The following GARRE1 variants were observed in gnomAD, a reference collection of about 807,000 sequenced individuals.
GARRE1 encodes granule associated Rac and RHOG effector protein 1.
In GARRE1, 49 loss-of-function variants were observed where a neutral mutation model predicts 103.2. That is an observed-to-expected ratio of 0.47 (90% CI 0.38 to 0.60). The LOEUF is 0.60. GARRE1 is among the 20% of genes least tolerant of loss of function. GARRE1 has a pLI of 0.00. For synonymous variants in GARRE1, 505 were observed against 532.8 expected, an observed-to-expected ratio of 0.95 and a Z score of 0.72; for missense variants, 1,199 against 1,370.5, an observed-to-expected ratio of 0.87 and a Z score of 1.98.
At chr19:34,301,722 G>T (rs1250763290) in intron 2 of GARRE1, among the ~76,000 whole-genome samples, 1 of 146,818 alleles carries the variant, frequency 6.8e-6, no homozygotes, top group Non-Finnish European at 1.5e-5. Context: ...CTGCTCCGTC[G>T]CCCAGGCTGG....
intron 8 of GARRE1, among the ~76,000 whole-genome samples, chr19:34,337,945 C>T (rs921065942): frequency 6.6e-6 from 1 of 152,172 alleles, no homozygotes. Flanking sequence ...GAATTGGGTG[C>T]ACTGAACCTT....
At chr19:34,339,764 G>T in intron 8 of GARRE1, 103 bp from the exon 9 acceptor site, 2 of 1,404,802 alleles carry the variant, frequency 1.4e-6, no homozygotes, top group Non-Finnish European at 2.0e-6. Flanking sequence ...TTTTTGCTGG[G>T]CGCCAGAGGT....
At chr19:34,264,998 T>C (rs1267984785) in intron 1 of GARRE1, among the ~76,000 whole-genome samples, 1 of 152,158 alleles carries the variant, frequency 6.6e-6, no homozygotes, top group Non-Finnish European at 1.5e-5. Context: ...ATTTTGATTA[T>C]GTTCCTTGTG....
intron 1 of GARRE1, among the ~76,000 whole-genome samples, chr19:34,269,880 C>T (rs1387755825): frequency 6.6e-6 from 1 of 152,170 alleles, no homozygotes; most frequent in Non-Finnish European, 1.5e-5. Context: ...CCATGGAAGC[C>T]ATTTCTGTAG....
At chr19:34,350,282 G>C (rs1474278658) in intron 12 of GARRE1, among the ~76,000 whole-genome samples, 1 of 152,178 alleles carries the variant, frequency 6.6e-6, no homozygotes, top group African/African-American at 2.4e-5. Flanking sequence ...TGACACGCAA[G>C]TTTTCTGCCT....
chr19:34,349,029 G>C lies in GARRE1; in HGVS notation c.2701G>C (p.Gly901Arg). The C allele has an allele frequency of 6.2e-7, 1 of 1,611,458 alleles. No individual in the cohort carries two copies. The highest frequency in any genetic ancestry group is 8.5e-7 in the Non-Finnish European group (1 of 1,180,002). The change falls in exon 12 of 14, where the codon GGT becomes CGT. Residue 901 changes from glycine to arginine, a missense_variant. Gly to Arg is a moderately radical substitution (Grantham distance 125). Transcript: ENST00000299505. Reference sequence around the variant, plus strand: ...TCTGGCTTTCAGGGATGGCCTGCACGGTGGCTGGTCGGGTGCTCAGGGAGA... The same window carrying C: ...TCTGGCTTTCAGGGATGGCCTGCACCGTGGCTGGTCGGGTGCTCAGGGAGA... ...EFFTEGDGLH[G>R]GWSGAQGDSA...
intron 1 of GARRE1, among the ~76,000 whole-genome samples, chr19:34,293,747 TTTC>T (rs1485418609): frequency 2.1e-5 from 1 of 47,368 alleles, no homozygotes; most frequent in African/African-American, 1.9e-4. Flanking sequence ...CACACACATA[TTTC>T]TTTTTTTTTT....
At chr19:34,322,235 G>A (rs2074092684) in intron 3 of GARRE1, among the ~76,000 whole-genome samples, 1 of 152,142 alleles carries the variant, frequency 6.6e-6, no homozygotes, top group Non-Finnish European at 1.5e-5. Flanking sequence ...ATAATGGCGT[G>A]ATCTTGGCTT....
chr19:34,271,293 G>T (rs1467793728), intron 1 of GARRE1, among the ~76,000 whole-genome samples: 1 of 145,534 alleles, frequency 6.9e-6, no homozygotes, highest in Non-Finnish European at 1.5e-5. Flanking sequence ...CTGTTGCCCA[G>T]GCTAGAGTGC....
chr19:34,287,803 T>G (rs1384553187), intron 1 of GARRE1, among the ~76,000 whole-genome samples: 1 of 152,162 alleles, frequency 6.6e-6, no homozygotes, highest in Non-Finnish European at 1.5e-5. Flanking sequence ...GGCCTCTTTT[T>G]ATAAGGGCAC....
intron 2 of GARRE1, among the ~76,000 whole-genome samples, chr19:34,311,604 AT>A (rs71165647): frequency 8.6e-5 from 13 of 151,474 alleles, no homozygotes; most frequent in Non-Finnish European, 1.3e-4. Context: ...AATAAACATA[AT>A]TTTTTTTTCT....
chr19:34,332,335 A>G (rs11882004), intron 7 of GARRE1, among the ~76,000 whole-genome samples: 290 of 152,264 alleles, frequency 1.9e-3, no homozygotes, highest in African/African-American at 6.6e-3. Context: ...ATCGATCCAT[A>G]TTCCCAGAGA....
rs552960698 is a variant in GARRE1, at chr19:34,334,824, C to T, written c.1361+1023C>T. 1.1e-4 allele frequency among the ~76,000 whole-genome samples: 17 copies of T among 152,184 alleles called. No individual in the cohort carries two copies. The South Asian group carries it at 2.9e-3, about 26-fold the overall frequency. ...ATTCCAGCACTTTGGAAGGCCGAGG[C>T]GGCCAGATCTCCTGAGGTCAGGAGT... On this transcript the variant is annotated intron_variant, in intron 8 of 13. Transcript: ENST00000299505.
chr19:34,332,220 G>A (rs1222869843), intron 7 of GARRE1, among the ~76,000 whole-genome samples: 1 of 152,042 alleles, frequency 6.6e-6, no homozygotes, highest in East Asian at 1.9e-4. Context: ...ACAGTAATGA[G>A]TCACATTTCC....
chr19:34,307,705 A>G (rs1161349486), intron 2 of GARRE1, among the ~76,000 whole-genome samples: 2 of 133,198 alleles, frequency 1.5e-5, no homozygotes, highest in East Asian at 4.2e-4. Context: ...ATACATATAT[A>G]CTTATATATA....
chr19:34,263,686 C>T (rs1477163861), intron 1 of GARRE1, among the ~76,000 whole-genome samples: 1 of 152,090 alleles, frequency 6.6e-6, no homozygotes, highest in African/African-American at 2.4e-5. Flanking sequence ...CCATGTTGGC[C>T]ATGTTGGCCA....
chr19:34,275,169 T>G (rs927027260), intron 1 of GARRE1, among the ~76,000 whole-genome samples: 10 of 21,406 alleles, frequency 4.7e-4, no homozygotes, highest in African/African-American at 1.2e-3. Flanking sequence ...ATTTTCTGTG[T>G]TTTTTTTTTT....
chr19:34,304,202 T>C (rs976799032), intron 2 of GARRE1, among the ~76,000 whole-genome samples: 4 of 152,032 alleles, frequency 2.6e-5, no homozygotes, highest in African/African-American at 4.8e-5. Context: ...GCAATTCTTA[T>C]GTCTCAGCCT....
At chr19:34,302,292 G>T (rs919205549) in intron 2 of GARRE1, among the ~76,000 whole-genome samples, 17 of 92,038 alleles carry the variant, frequency 1.8e-4, no homozygotes, top group South Asian at 4.6e-4. Context: ...GCGCCCAGCC[G>T]TTTTTTTTTT....
Sources: allele counts gnomAD v4.1 joint callset (sites outside exome capture counted in the v4.1 genomes callset), GRCh38; gene constraint gnomAD v4.1.1; transcripts MANE v1.5; gene names NCBI Gene and HGNC (gene_info 2026-07-23, HGNC 2026-07-21).